Variants in DIAPH2 observed in about 807,000 individuals in gnomAD.
The protein encoded by DIAPH2 is diaphanous related formin 2.
DIAPH2 carries 35 observed loss-of-function variants against 92.7 expected under a neutral mutation model. The ratio of observed to expected loss-of-function variants is 0.38; its 90% confidence interval spans 0.29 to 0.50. The LOEUF is 0.50. Ranked by LOEUF, DIAPH2 falls within the 20% of genes least tolerant of loss-of-function variation. DIAPH2 has a pLI of 0.94. For missense variants in DIAPH2, 701 were observed against 819.5 expected, an observed-to-expected ratio of 0.86 and a Z score of 1.77; for synonymous variants, 301 against 280.4, an observed-to-expected ratio of 1.07 and a Z score of -0.73.
chrX:96,970,239 T>C (rs1049081361), intron 17 of DIAPH2, among the ~76,000 whole-genome samples: 1 of 111,560 alleles, frequency 9.0e-6, no homozygotes, highest in African/African-American at 3.3e-5. Context: ...CATAGACTTA[T>C]GGAGGAGTCC....
At chrX:97,226,264 A>T in intron 22 of DIAPH2, among the ~76,000 whole-genome samples, 1 of 112,140 alleles carries the variant, frequency 8.9e-6, no homozygotes, top group Middle Eastern at 4.6e-3. Context: ...AAAAATAAAT[A>T]CGGCATTAGG....
At chrX:96,791,344 T>G (rs953369763) in intron 4 of DIAPH2, among the ~76,000 whole-genome samples, 1 of 111,869 alleles carries the variant, frequency 8.9e-6, no homozygotes, top group African/African-American at 3.3e-5. Flanking sequence ...TTTCATGTTT[T>G]TGCTGAGGCA....
intron 21 of DIAPH2, among the ~76,000 whole-genome samples, chrX:97,132,994 AG>A (rs947471606): frequency 9.0e-6 from 1 of 111,505 alleles, no homozygotes; most frequent in Non-Finnish European, 1.9e-5. Context: ...CCAAAAGGAA[AG>A]GGGGGAGATC....
chrX:96,888,594 GATAT>G (rs1234483359), intron 5 of DIAPH2, among the ~76,000 whole-genome samples: 1 of 42,591 alleles, frequency 2.3e-5, no homozygotes, highest in Non-Finnish European at 3.8e-5. Flanking sequence ...TATATATACA[GATAT>G]ATATATCTAT....
At chrX:97,169,629 C>CA (rs2067436894) in intron 22 of DIAPH2, among the ~76,000 whole-genome samples, 1 of 111,615 alleles carries the variant, frequency 9.0e-6, no homozygotes, top group South Asian at 3.8e-4. Flanking sequence ...CTTTGAGAGC[C>CA]AAGGTAGGCA....
intron 8 of DIAPH2, among the ~76,000 whole-genome samples, chrX:96,918,014 A>T (rs2065516400): frequency 9.0e-6 from 1 of 111,236 alleles, no homozygotes; most frequent in South Asian, 3.8e-4. Flanking sequence ...TCACCCAGAA[A>T]AGTTACTTTC....
chrX:97,310,642 G>C (rs1016284548), intron 23 of DIAPH2, among the ~76,000 whole-genome samples: 1 of 111,563 alleles, frequency 9.0e-6, no homozygotes, highest in Non-Finnish European at 1.9e-5. Flanking sequence ...ATGAGAGGGA[G>C]AGTCGTAGAA....
chrX:97,272,248 C>T (rs1386572259), intron 23 of DIAPH2, among the ~76,000 whole-genome samples: 1 of 111,143 alleles, frequency 9.0e-6, no homozygotes, highest in Non-Finnish European at 1.9e-5. Flanking sequence ...CCACCCGCCT[C>T]GGCCTCCCAA....
At chrX:96,911,039 G>C (rs1427188131) in intron 5 of DIAPH2, among the ~76,000 whole-genome samples, 8 of 111,506 alleles carry the variant, frequency 7.2e-5, no homozygotes, top group Non-Finnish European at 1.3e-4. Flanking sequence ...GGAAGTGCAA[G>C]GTGGGCTCCA....
At chrX:97,291,215 C>T (rs1013204767) in intron 23 of DIAPH2, among the ~76,000 whole-genome samples, 10 of 110,604 alleles carry the variant, frequency 9.0e-5, no homozygotes, top group Admixed American at 2.9e-4. Context: ...GGTGAAACCC[C>T]GTCTCTACTA....
intron 26 of DIAPH2, among the ~76,000 whole-genome samples, chrX:97,590,866 T>C (rs2071512556): frequency 8.9e-6 from 1 of 112,164 alleles, no homozygotes; most frequent in Admixed American, 9.5e-5. Context: ...CTGTTTTCTA[T>C]GTAAATGCTT....
chrX:97,271,813 GCACACACACACACA>G (rs780653047), intron 23 of DIAPH2, among the ~76,000 whole-genome samples: 19 of 91,554 alleles, frequency 2.1e-4, no homozygotes, highest in African/African-American at 6.4e-4. Context: ...ATATATATAT[GCACACACACACACA>G]CACACACACA....
chrX:96,871,518 C>T (rs1009098548), intron 4 of DIAPH2, among the ~76,000 whole-genome samples: 2 of 102,641 alleles, frequency 1.9e-5, no homozygotes, highest in Non-Finnish European at 3.9e-5. Context: ...TTCTTCTGTC[C>T]TAGGACAGTG....
At chrX:97,024,999 G>T (rs759131684) in intron 17 of DIAPH2, among the ~76,000 whole-genome samples, 23 of 112,063 alleles carry the variant, frequency 2.1e-4, no homozygotes, top group African/African-American at 7.5e-4. Context: ...CAACAGTCTT[G>T]ATGTTTGATC....
chrX:96,719,755 C>A (rs771493713), intron 1 of DIAPH2, among the ~76,000 whole-genome samples: 9 of 111,474 alleles, frequency 8.1e-5, no homozygotes, highest in Non-Finnish European at 1.5e-4. Context: ...CTCAGCATAG[C>A]TTTGGCTATT....
At position 97,044,315 on chromosome X, in the gene DIAPH2, G is replaced by A. The variant is rs186100346; in HGVS notation, c.2051-28626G>A. On this transcript the variant is annotated intron_variant, in intron 17 of 26. Coordinates refer to ENST00000324765, the MANE Select transcript of DIAPH2 (RefSeq NM_006729.5). ...AAACTATCAGGTATCTTTTTTTCTT[G>A]CTTGTTAACATAGCTATTTCTCACG... is the stretch of plus-strand genomic sequence containing the variant. Among the ~76,000 whole-genome samples, 308 of 108,718 alleles carry A rather than the reference G, an allele frequency of 2.8e-3. 6 individuals are homozygous for A. In the South Asian group the frequency reaches 0.085, roughly 30 times the overall value. The allele number at this position is 108,718 out of a possible 115,157, so 94.4% of individuals were successfully genotyped here. A position where few individuals can be genotyped will look rare whatever the true frequency, so the allele number is the denominator to read the frequency against.
chrX:96,819,605 G>A (rs1479631013), intron 4 of DIAPH2, among the ~76,000 whole-genome samples: 2 of 111,880 alleles, frequency 1.8e-5, no homozygotes, highest in Non-Finnish European at 3.8e-5. Context: ...TTGTCTGTAA[G>A]CTGTTTCTTG....
intron 1 of DIAPH2, among the ~76,000 whole-genome samples, chrX:96,727,900 G>A (rs1422943549): frequency 9.2e-6 from 1 of 108,897 alleles, no homozygotes; most frequent in East Asian, 2.9e-4. Flanking sequence ...ACAAAAATTA[G>A]CCGGGCATGA....
Position 97,212,543 on chromosome X carries a change from A to C in DIAPH2, c.2720-35172A>C, listed in dbSNP as rs138463383. On this transcript the variant is annotated intron_variant, in intron 22 of 26. Coordinates refer to ENST00000324765, the MANE Select transcript of DIAPH2 (RefSeq NM_006729.5). ...CCAAGATCCTATTCTTACCTTTCTC[A>C]CTAAAAAACTGTATAGTATTAAATA... Among the ~76,000 whole-genome samples the C allele has an allele frequency of 5.6e-3, 597 of 107,499 alleles. 7 individuals are homozygous for C. Among genetic ancestry groups the C allele is most frequent in the African/African-American group, 0.019 (563 of 29,540 alleles). The allele number at this position is 107,499 out of a possible 115,157, so 93.3% of individuals were successfully genotyped here.
Sources: allele counts gnomAD v4.1 joint callset (sites outside exome capture counted in the v4.1 genomes callset), GRCh38; gene constraint gnomAD v4.1.1; transcripts MANE v1.5; gene names NCBI Gene and HGNC (gene_info 2026-07-23, HGNC 2026-07-21).